CRYBG3: variants seen among roughly 807,000 people sequenced by gnomAD.
CRYBG3 encodes crystallin beta-gamma domain containing 3.
In CRYBG3, 127 loss-of-function variants were observed where a neutral mutation model predicts 244.2. The ratio of observed to expected loss-of-function variants is 0.52; its 90% CI spans 0.45 to 0.60. The LOEUF (loss-of-function observed/expected upper bound fraction) is 0.60, where lower values mean the gene tolerates loss of function less well. Among genes scored for constraint, CRYBG3 ranks in the 20% least tolerant of loss-of-function variants. The probability of loss-of-function intolerance (pLI) is 0.00; values close to 1 mark genes in which losing one functional copy is unlikely to be tolerated. For synonymous variants in CRYBG3, 1,132 were observed against 1,195.8 expected, an observed-to-expected ratio of 0.95 and a Z score of 1.10; for missense variants, 3,325 against 3,442.5, an observed-to-expected ratio of 0.97 and a Z score of 0.85.
chr3:97,870,433 T>A (rs1261375510), intron 3 of CRYBG3, among the ~76,000 whole-genome samples: 1 of 152,198 alleles, frequency 6.6e-6, no homozygotes, highest in Non-Finnish European at 1.5e-5. Context: ...GATAATGGCC[T>A]CCACTGCATT....
intron 2 of CRYBG3, among the ~76,000 whole-genome samples, chr3:97,855,347 A>G (rs1366826423): frequency 6.6e-6 from 1 of 152,074 alleles, no homozygotes; most frequent in Non-Finnish European, 1.5e-5. Context: ...CAGGGTAATG[A>G]TGGCCTTGCA....
rs556656263 is a variant in CRYBG3, at chr3:97,854,044, G to A, written c.217-10173G>A. 9.2e-5 allele frequency among the ~76,000 whole-genome samples: 14 copies of A among 152,238 alleles called. No individual in the cohort carries two copies. In the South Asian group the frequency reaches 2.7e-3, roughly 29 times the overall value. ...ATCCAGTTTCATTCTTTGACATGTG[G>A]CTTGCCAGTTATCCCAGCACAATTT... On this transcript the variant is annotated intron_variant, in intron 2 of 21. Coordinates refer to ENST00000389622, the MANE Select transcript of CRYBG3 (RefSeq NM_153605.4).
chr3:97,863,558 AC>A (rs1183812520), intron 2 of CRYBG3, among the ~76,000 whole-genome samples: 1 of 152,106 alleles, frequency 6.6e-6, no homozygotes, highest in Non-Finnish European at 1.5e-5. Flanking sequence ...GAACTGAAGT[AC>A]CATGTTACTG....
chr3:97,919,863 T>C (rs1274901309), intron 17 of CRYBG3, among the ~76,000 whole-genome samples: 1 of 152,126 alleles, frequency 6.6e-6, no homozygotes, highest in Non-Finnish European at 1.5e-5. Context: ...TTAAGGTGGC[T>C]GAATTCTTTC....
chr3:97,865,382 A>G (rs1211065468), intron 3 of CRYBG3, among the ~76,000 whole-genome samples: 1 of 152,216 alleles, frequency 6.6e-6, no homozygotes, highest in Admixed American at 6.5e-5. Flanking sequence ...ATAGTGAGAT[A>G]TAAGCACTAC....
intron 2 of CRYBG3, among the ~76,000 whole-genome samples, chr3:97,859,636 G>T (rs1467002024): frequency 6.6e-6 from 1 of 152,146 alleles, no homozygotes; most frequent in Non-Finnish European, 1.5e-5. Context: ...ATTTGGAGCT[G>T]CATTCCCCAG....
At chr3:97,930,841 G>A (rs971851063) in intron 17 of CRYBG3, among the ~76,000 whole-genome samples, 16 of 151,998 alleles carry the variant, frequency 1.1e-4, no homozygotes, top group Admixed American at 5.9e-4. Flanking sequence ...GCCACATAAC[G>A]TAAAGAGAAA....
chr3:97,890,515 G>T (rs1338329706), intron 10 of CRYBG3, among the ~76,000 whole-genome samples: 1 of 152,106 alleles, frequency 6.6e-6, no homozygotes, highest in African/African-American at 2.4e-5. Flanking sequence ...TTAATTTGTG[G>T]CTTTCCCATC....
chr3:97,822,149 C>T lies in CRYBG3; in HGVS notation c.-58C>T, dbSNP rs2038508590. The stretch of plus-strand genomic sequence containing the variant: ...CGGCGCCCGGTCGGGCTCCGGGCAC[C>T]AGGCAACACCTAGGCCGTTCCCTTC... On this transcript the variant is annotated 5_prime_UTR_variant, in exon 1 of 22. Transcript: ENST00000389622. The T allele has an allele frequency of 1.5e-6, 2 of 1,367,348 alleles. No homozygotes were observed. Among genetic ancestry groups the T allele is most frequent in the Admixed American group, 6.4e-5 (2 of 31,432 alleles). The allele number at this position is 1,367,348 out of a possible 1,614,324, so 84.7% of individuals were successfully genotyped here. A position where few individuals can be genotyped will look rare whatever the true frequency, so the allele number is the denominator to read the frequency against.
chr3:97,897,404 G>T lies in CRYBG3; in HGVS notation c.7701+1319G>T, dbSNP rs184756129. On this transcript the variant is annotated intron_variant, in intron 12 of 21. Coordinates refer to ENST00000389622, the MANE Select transcript of CRYBG3 (RefSeq NM_153605.4). The stretch of plus-strand genomic sequence containing the variant: ...TAGTAGTAGGGAGTACTGTACCTGA[G>T]ATTCTACTAACTTATGCAAGTGCTT... 3.9e-4 allele frequency among the ~76,000 whole-genome samples: 60 copies of T among 152,128 alleles called. 1 individual carries two copies. In the South Asian group the frequency reaches 5.4e-3, roughly 14 times the overall value.
chr3:97,889,422 A>G (rs890828014), intron 10 of CRYBG3, 32 bp downstream of exon 10: 5 of 1,550,880 alleles, frequency 3.2e-6, no homozygotes, highest in Middle Eastern at 1.7e-4. Flanking sequence ...GTAGCAGGCT[A>G]AAGAGTCTCA....
chr3:97,872,011 A>G lies in CRYBG3; in HGVS notation c.817A>G (p.Ser273Gly), dbSNP rs898975181. The G allele has an allele frequency of 1.6e-5, 24 of 1,535,776 alleles. No homozygotes were observed. In the Admixed American group the frequency reaches 3.5e-4, roughly 23 times the overall value. ...SSTNRHIDPG[S>G]EIEAGVLPLL... ...TACAAACAGACACATTGACCCTGGA[A>G]GTGAGATTGAGGCTGGGGTACTGCC... Residue 273 changes from serine (S) to glycine (G), a missense_variant, in exon 4 of 22, where the codon AGT (serine) becomes GGT (glycine). Around this residue, in one of 4 missense-constraint regions of CRYBG3, gnomAD observed 1,526 missense variants for 1,443.2 expected, o/e 1.06. Transcript: ENST00000389622.
At chr3:97,900,645 C>T (rs2108240588) in intron 15 of CRYBG3, among the ~76,000 whole-genome samples, 160 bp downstream of exon 15, 1 of 152,296 alleles carries the variant, frequency 6.6e-6, no homozygotes, top group East Asian at 1.9e-4. Flanking sequence ...GAATTCACAT[C>T]TTTGTCAGTG....
intron 1 of CRYBG3, among the ~76,000 whole-genome samples, chr3:97,830,854 T>C (rs904691514): frequency 4.6e-5 from 7 of 152,174 alleles, no homozygotes; most frequent in African/African-American, 1.7e-4. Flanking sequence ...GAGGCTTATA[T>C]CTTAACGATT....
Position 97,874,576 on chromosome 3 carries a change from C to T in CRYBG3, c.3382C>T (p.His1128Tyr). 26 of 1,535,964 alleles carry T rather than the reference C, an allele frequency of 1.7e-5. No individual in the cohort carries two copies. The highest frequency in any genetic ancestry group is 2.1e-5 in the Non-Finnish European group (24 of 1,146,836). Residue 1128 changes from histidine to tyrosine, a missense_variant, in exon 4 of 22, where the codon CAT becomes TAT. Transcript: ENST00000389622. ...GACAGAAGTAACCCCATTTCAGGAACATTTTGGGATTTATACTGGGAAGAT... is the reference window on the plus strand; with the variant it reads ...GACAGAAGTAACCCCATTTCAGGAATATTTTGGGATTTATACTGGGAAGAT... ...IGTEVTPFQE[H>Y]FGIYTGKISI... is the part of the protein sequence containing the mutation.
chr3:97,904,985 G>T (rs1055847042), intron 15 of CRYBG3, among the ~76,000 whole-genome samples: 1 of 149,606 alleles, frequency 6.7e-6, no homozygotes, highest in Non-Finnish European at 1.5e-5. Context: ...GAGAATATGC[G>T]GTGTTTGGTT....
chr3:97,936,849 C>A lies in CRYBG3; in HGVS notation c.8446C>A (p.Pro2816Thr). The A allele has an allele frequency of 6.2e-7, 1 of 1,612,944 alleles. No individual in the cohort carries two copies. Among genetic ancestry groups the A allele is most frequent in the South Asian group, 1.1e-5 (1 of 91,022 alleles). The change falls in exon 19 of 22, where the codon CCA (proline) becomes ACA (threonine). Residue 2816 changes from proline to threonine, a missense_variant. This residue lies in a region of CRYBG3 where 714 missense variants were observed against 803.6 expected (regional missense o/e 0.89). Transcript: ENST00000389622. Reference protein sequence around the residue: ...RQILLRPNEIPNWTAFSRWKT... With the variant: ...RQILLRPNEITNWTAFSRWKT... The stretch of plus-strand genomic sequence containing the variant: ...AATCCTACTCAGGCCTAATGAGATC[C>A]CAAACTGGACAGCATTCAGCAGATG...
In CRYBG3 at chr3:97,888,323, C is replaced by A; in HGVS notation, c.7290-18C>A. On this transcript the variant is annotated intron_variant, in intron 8 of 21. Coordinates refer to ENST00000389622, the MANE Select transcript of CRYBG3 (RefSeq NM_153605.4). ...AGCAGTACTATTATACTTTAACTAA[C>A]TATCTATTTTTATATAGTTGGCTTG... is the stretch of plus-strand genomic sequence containing the variant. 7.0e-7 allele frequency: 1 copy of A among 1,435,876 alleles called. No individual in the cohort carries two copies. Among genetic ancestry groups the A allele is most frequent in the Admixed American group, 1.8e-5 (1 of 56,494 alleles). The allele number at this position is 1,435,876 out of a possible 1,614,324, so 88.9% of individuals were successfully genotyped here.
intron 10 of CRYBG3, among the ~76,000 whole-genome samples, chr3:97,891,472 A>G (rs2039575022): frequency 6.6e-6 from 1 of 152,222 alleles, no homozygotes; most frequent in Non-Finnish European, 1.5e-5. Flanking sequence ...GGGGACTTCA[A>G]AAAGTTCATG....
Sources: gnomAD v4.1 joint callset for allele counts (sites outside exome capture counted in the v4.1 genomes callset) on GRCh38, gnomAD v4.1.1 for gene constraint, gnomAD v4.1.1 regional missense constraint, MANE v1.5 for transcripts, NCBI Gene and HGNC (gene_info 2026-07-23, HGNC 2026-07-21) for gene names.